OSBPL6: variants seen among roughly 807,000 people sequenced by gnomAD.
OSBPL6 encodes the protein oxysterol binding protein like 6, also known as oxysterol-binding protein-related protein 6.
A neutral mutation model predicts 125.8 loss-of-function variants in OSBPL6; 49 were observed. The ratio of observed to expected loss-of-function variants is 0.39; its 90% CI spans 0.31 to 0.49. The LOEUF (loss-of-function observed/expected upper bound fraction) is 0.49, where lower values mean the gene tolerates loss of function less well. Ranked by LOEUF, OSBPL6 falls within the 20% of genes least tolerant of loss-of-function variation. The pLI, the probability that OSBPL6 is intolerant of heterozygous loss-of-function variation, is 0.88. For synonymous variants in OSBPL6, 394 were observed against 391.8 expected (o/e 1.01, Z -0.07); for missense variants, 986 against 1,135.4 (o/e 0.87, Z 1.89).
intron 1 of OSBPL6, among the ~76,000 whole-genome samples, chr2:178,195,030 C>T (rs897558222): frequency 1.2e-4 from 19 of 152,278 alleles, no homozygotes; most frequent in African/African-American, 3.4e-4. Context: ...CCCTGCTCCC[C>T]GCAGGCTGCC....
chr2:178,220,908 G>A (rs2090311237), intron 1 of OSBPL6, among the ~76,000 whole-genome samples: 1 of 152,132 alleles, frequency 6.6e-6, no homozygotes, highest in Non-Finnish European at 1.5e-5. Context: ...GCAGTAACAG[G>A]ACATGGCTGG....
At chr2:178,360,328 C>T (rs925227849) in intron 12 of OSBPL6, among the ~76,000 whole-genome samples, 8 of 152,044 alleles carry the variant, frequency 5.3e-5, no homozygotes, top group Non-Finnish European at 1.2e-4. Flanking sequence ...ATATTCAGGA[C>T]TTTTGCTAAA....
chr2:178,310,380 C>T (rs1293531659), intron 3 of OSBPL6, among the ~76,000 whole-genome samples: 2 of 150,438 alleles, frequency 1.3e-5, no homozygotes, highest in Non-Finnish European at 3.0e-5. Context: ...TTTAAGAAAG[C>T]ACCTTAAGTT....
chr2:178,198,764 C>G (rs931074502), intron 1 of OSBPL6, among the ~76,000 whole-genome samples: 2 of 152,160 alleles, frequency 1.3e-5, no homozygotes, highest in Admixed American at 6.6e-5. Context: ...GCTTAACTCT[C>G]CAGTTGTGTC....
chr2:178,196,118 A>G (rs558131792), intron 1 of OSBPL6, among the ~76,000 whole-genome samples: 1 of 152,286 alleles, frequency 6.6e-6, no homozygotes, highest in East Asian at 1.9e-4. Context: ...AAGACTAATA[A>G]TAAATGAAAC....
At chr2:178,285,829 A>G (rs73030631) in intron 2 of OSBPL6, among the ~76,000 whole-genome samples, 199 of 152,330 alleles carry the variant, frequency 1.3e-3, no homozygotes, top group African/African-American at 4.4e-3. Context: ...TACAAGCTGC[A>G]CATCCTCTGC....
intron 1 of OSBPL6, among the ~76,000 whole-genome samples, chr2:178,238,517 A>G (rs572119781): frequency 6.6e-6 from 1 of 152,326 alleles, no homozygotes; most frequent in East Asian, 1.9e-4. Flanking sequence ...AAAGTTCTTG[A>G]TTTAATAAGG....
chr2:178,326,110 ATT>A (rs34323656), intron 4 of OSBPL6, among the ~76,000 whole-genome samples: 8 of 144,060 alleles, frequency 5.6e-5, no homozygotes, highest in African/African-American at 7.7e-5. Flanking sequence ...TGGTGGAAGA[ATT>A]TTTTTTTTTT....
intron 1 of OSBPL6, among the ~76,000 whole-genome samples, chr2:178,276,149 T>C (rs975462809): frequency 6.6e-6 from 1 of 152,192 alleles, no homozygotes; most frequent in African/African-American, 2.4e-5. Context: ...GAGGGAAATA[T>C]GATCTGAGAC....
chr2:178,339,070 G>A lies in OSBPL6; in HGVS notation c.870G>A (p.Ser290=), dbSNP rs1434087. ...QNLEILQRTQ[S]APNFTDMQAN... is the part of the protein sequence containing the mutation. ...TGGAAATACTTCAGAGAACTCAGTC[G>A]GCACCTAACTTTACTGACATGCAGG... Residue 290 remains serine, a synonymous_variant, in exon 10 of 25, where the codon TCG becomes TCA. Transcript: ENST00000190611. 0.92 allele frequency: 1,477,107 copies of A among 1,610,878 alleles called. 677,525 individuals are homozygous for A. The highest frequency in any genetic ancestry group is 0.97 in the East Asian group (43,577 of 44,802).
chr2:178,295,619 G>GA (rs1041167366), intron 2 of OSBPL6, among the ~76,000 whole-genome samples: 73 of 152,250 alleles, frequency 4.8e-4, no homozygotes, highest in African/African-American at 1.7e-3. Flanking sequence ...TTGGGTTACT[G>GA]AATCTGGAAT....
chr2:178,203,671 T>C (rs2089375317), intron 1 of OSBPL6, among the ~76,000 whole-genome samples: 1 of 152,240 alleles, frequency 6.6e-6, no homozygotes. Context: ...GCTGGATATT[T>C]TTGCATTCCT....
chr2:178,205,970 A>G lies in OSBPL6; in HGVS notation c.-351+11296A>G, dbSNP rs574256615. Among the ~76,000 whole-genome samples, 3 of 152,316 alleles carry G rather than the reference A, an allele frequency of 2.0e-5. No homozygotes were observed. In the South Asian group the frequency reaches 6.2e-4, roughly 32 times the overall value. On this transcript the variant is annotated intron_variant, in intron 1 of 24. Transcript: ENST00000190611. The stretch of plus-strand genomic sequence containing the variant: ...TAATTTTGCCTTTTTTGAAAATGAT[A>G]TTTCAAACTGTTAAAATCTAGTCAC...
chr2:178,241,612 C>G (rs566377832), intron 1 of OSBPL6, among the ~76,000 whole-genome samples: 1 of 152,010 alleles, frequency 6.6e-6, no homozygotes, highest in African/African-American at 2.4e-5. Context: ...GACGGGGTTT[C>G]TCCATGTTGG....
chr2:178,301,393 G>T (rs1022327436), intron 2 of OSBPL6, among the ~76,000 whole-genome samples: 1 of 152,042 alleles, frequency 6.6e-6, no homozygotes, highest in Admixed American at 6.6e-5. Flanking sequence ...ATTTGTAATG[G>T]TTAAGAATGG....
chr2:178,287,155 A>ATTTT (rs1427555959), intron 2 of OSBPL6, among the ~76,000 whole-genome samples: 5 of 149,490 alleles, frequency 3.3e-5, no homozygotes, highest in African/African-American at 1.0e-4. Flanking sequence ...TTTTTAAAAA[A>ATTTT]AAAAAAAAAA....
intron 11 of OSBPL6, chr2:178,344,296 C>T: frequency 1.2e-6 from 2 of 1,614,130 alleles, no homozygotes; most frequent in Non-Finnish European, 1.7e-6. Context: ...GAAGGGCCAC[C>T]CGCGAAGGGC....
intron 4 of OSBPL6, among the ~76,000 whole-genome samples, chr2:178,326,728 G>A (rs1019680245): frequency 6.6e-6 from 1 of 152,080 alleles, no homozygotes; most frequent in African/African-American, 2.4e-5. Flanking sequence ...TTTATCTTTT[G>A]CCTCTGTCAG....
intron 15 of OSBPL6, among the ~76,000 whole-genome samples, chr2:178,380,562 G>A (rs1263410075): frequency 6.6e-6 from 1 of 151,550 alleles, no homozygotes; most frequent in African/African-American, 2.4e-5. Flanking sequence ...TGGAAAGATG[G>A]ATGATGTTCC....
Sources: gnomAD v4.1 joint callset for allele counts (sites outside exome capture counted in the v4.1 genomes callset) on GRCh38, gnomAD v4.1.1 for gene constraint, MANE v1.5 for transcripts, NCBI Gene and HGNC (gene_info 2026-07-23, HGNC 2026-07-21) for gene names.